The following FEZ1 variants were observed in gnomAD, a reference collection of about 807,000 sequenced individuals.
The protein encoded by FEZ1 is fasciculation and elongation protein zeta-1.
In FEZ1, 20 loss-of-function variants were observed where a neutral mutation model predicts 49.3. The observed-to-expected ratio is 0.41, with a 90% CI of 0.29 to 0.59. The LOEUF is 0.59. Among genes scored for constraint, FEZ1 ranks in the 20% least tolerant of loss-of-function variants. FEZ1 has a pLI of 0.36. For synonymous variants in FEZ1, 170 were observed against 180.9 expected (o/e 0.94, Z 0.48); for missense variants, 413 against 476.0 (o/e 0.87, Z 1.23).
At chr11:125,471,469 A>G (rs1320133642) in intron 3 of FEZ1, among the ~76,000 whole-genome samples, 2 of 151,478 alleles carry the variant, frequency 1.3e-5, no homozygotes, top group Non-Finnish European at 3.0e-5. Flanking sequence ...CACACTTTGC[A>G]AACAGTATGC....
chr11:125,460,895 T>G (rs1004718854), intron 4 of FEZ1, among the ~76,000 whole-genome samples: 1 of 152,212 alleles, frequency 6.6e-6, no homozygotes, highest in African/African-American at 2.4e-5. Flanking sequence ...CAAGAGCTCC[T>G]TTTAGATAAA....
chr11:125,481,508 C>G lies in FEZ1; in HGVS notation c.411+26G>C, dbSNP rs370082839. ...ACTGGATTCCACATCTCAAGCCCTG[C>G]TAAACCAGGGGCCCCGGAGAGGTAC... On this transcript the variant is annotated intron_variant, in intron 3 of 9. Transcript: ENST00000278919. The G allele has an allele frequency of 2.2e-6, 3 of 1,370,128 alleles. No individual in the cohort carries two copies. The African/African-American group carries it at 4.3e-5, about 20-fold the overall frequency. The allele number at this position is 1,370,128 out of a possible 1,614,324, so 84.9% of individuals were successfully genotyped here.
At chr11:125,478,454 A>G (rs1010048443) in intron 3 of FEZ1, among the ~76,000 whole-genome samples, 1 of 152,138 alleles carries the variant, frequency 6.6e-6, no homozygotes, top group Non-Finnish European at 1.5e-5. Context: ...AAAATAAAAA[A>G]AATTGTTTTA....
At chr11:125,490,425 G>A (rs1409621884) in intron 1 of FEZ1, among the ~76,000 whole-genome samples, 1 of 152,192 alleles carries the variant, frequency 6.6e-6, no homozygotes, top group Non-Finnish European at 1.5e-5. Context: ...GATCCCACTG[G>A]ATGAAATGCG....
chr11:125,454,086 C>CTT, intron 7 of FEZ1, 44 bp downstream of exon 7: 1 of 1,435,064 alleles, frequency 7.0e-7, no homozygotes. Flanking sequence ...GGCCAAGCTG[C>CTT]AGGAGTCTAG....
chr11:125,494,411 AAAC>A (rs1240370524), intron 1 of FEZ1, among the ~76,000 whole-genome samples: 2 of 152,210 alleles, frequency 1.3e-5, no homozygotes, highest in Non-Finnish European at 2.9e-5. Context: ...AAAATGTCTG[AAAC>A]AACCTTATTT....
At chr11:125,449,129 C>G (rs1396272840) in intron 8 of FEZ1, among the ~76,000 whole-genome samples, 1 of 151,856 alleles carries the variant, frequency 6.6e-6, no homozygotes, top group African/African-American at 2.4e-5. Context: ...CAGCCTCAAA[C>G]TCCTGGGTTC....
rs200489748 is a variant in FEZ1 at position 125,492,968 on chromosome 11, T to TAAA, written c.-45-3149_-45-3147dup. Reference sequence around the variant, plus strand: ...GGGTGACAAAGTGAGACCCTATCTTTAAAAAAAAAAAAAAAAAAGTTAAAA... The same window carrying TAAA: ...GGGTGACAAAGTGAGACCCTATCTTTAAAAAAAAAAAAAAAAAAAAAGTTAAAA... On this transcript the variant is annotated intron_variant, in intron 1 of 9. Coordinates refer to ENST00000278919, the MANE Select transcript of FEZ1 (RefSeq NM_005103.5). Among the ~76,000 whole-genome samples the TAAA allele has an allele frequency of 2.5e-4, 31 of 124,874 alleles. No individual in the cohort carries two copies. The South Asian group carries it at 6.5e-3, about 26-fold the overall frequency. 81.9% of individuals were successfully genotyped at this position (124,874 alleles called of 152,430 possible).
chr11:125,477,465 A>T (rs758851817), intron 3 of FEZ1, among the ~76,000 whole-genome samples: 9 of 152,042 alleles, frequency 5.9e-5, no homozygotes, highest in Non-Finnish European at 8.8e-5. Flanking sequence ...AGATCGTGCC[A>T]CTGCACTCCA....
chr11:125,459,304 T>G (rs1047683475), intron 5 of FEZ1, among the ~76,000 whole-genome samples: 10 of 151,916 alleles, frequency 6.6e-5, no homozygotes, highest in African/African-American at 2.4e-4. Context: ...ATAAAATAGT[T>G]TTCTAGGCCG....
chr11:125,494,505 C>A (rs765438936), intron 1 of FEZ1, among the ~76,000 whole-genome samples: 2 of 152,136 alleles, frequency 1.3e-5, no homozygotes, highest in Non-Finnish European at 2.9e-5. Context: ...TTAATACAAG[C>A]GATAGCTTAT....
intron 1 of FEZ1, among the ~76,000 whole-genome samples, chr11:125,493,641 A>G (rs556547511): frequency 8.3e-4 from 126 of 152,364 alleles, no homozygotes; most frequent in Non-Finnish European, 1.4e-3. Flanking sequence ...ATCAAACAAG[A>G]GAACTATTGC....
At position 125,495,475 on chromosome 11, in the gene FEZ1, C is replaced by T. The variant is rs1490278760; in HGVS notation, c.-46+646G>A. 2.1e-6 allele frequency: 1 copy of T among 470,962 alleles called. No individual in the cohort carries two copies. Among genetic ancestry groups the T allele is most frequent in the Admixed American group, 2.3e-5 (1 of 42,590 alleles). The allele number at this position is 470,962 out of a possible 1,614,324, so 29.2% of individuals were successfully genotyped here. A position where few individuals can be genotyped will look rare whatever the true frequency, so the allele number is the denominator to read the frequency against. On this transcript the variant is annotated intron_variant, in intron 1 of 9. Transcript: ENST00000278919. The surrounding 1 kb of genome is among the most constrained non-coding windows in gnomAD (Gnocchi z 4.2). ...CGCGCCCCGCCACCGCGCAGCCGCC[C>T]CGGTCCCTTCTCCCGCCCGTCTGTA...
At chr11:125,468,550 A>C (rs1957154874) in intron 3 of FEZ1, among the ~76,000 whole-genome samples, 1 of 152,218 alleles carries the variant, frequency 6.6e-6, no homozygotes, top group African/African-American at 2.4e-5. Context: ...AGGTGGGTAC[A>C]CAGGAGATTG....
At position 125,463,427 on chromosome 11, in the gene FEZ1, G is replaced by A. The variant is rs192523767; in HGVS notation, c.498+57C>T. 1.0e-3 allele frequency: 1,012 copies of A among 1,007,114 alleles called. 16 individuals carry two copies. Among genetic ancestry groups the A allele is most frequent in the South Asian group, 6.1e-3 (461 of 76,108 alleles). The allele number at this position is 1,007,114 out of a possible 1,614,324, so 62.4% of individuals were successfully genotyped here. ...TGGATGTGGCAAGTGTGTTCTCTTG[G>A]ACTTTTTCTCCATCAAAAGAACAAA... is the stretch of plus-strand genomic sequence containing the variant. On this transcript the variant is annotated intron_variant, in intron 4 of 9. Transcript: ENST00000278919.
chr11:125,447,821 CAAAA>C (rs538049568), intron 9 of FEZ1, among the ~76,000 whole-genome samples: 1 of 73,514 alleles, frequency 1.4e-5, no homozygotes, highest in African/African-American at 5.1e-5. Context: ...GATTCCATCT[CAAAA>C]AAAAAAAAAA....
At chr11:125,493,422 G>GA (rs1333552735) in intron 1 of FEZ1, among the ~76,000 whole-genome samples, 138 of 37,490 alleles carry the variant, frequency 3.7e-3, no homozygotes, top group Middle Eastern at 0.01. Context: ...AAGAAAGAAA[G>GA]AAGGAAAGAA....
intron 1 of FEZ1, among the ~76,000 whole-genome samples, chr11:125,493,409 A>AGAAG (rs1565306903): frequency 3.1e-4 from 21 of 68,396 alleles, no homozygotes; most frequent in South Asian, 1.5e-3. Flanking sequence ...AAAGAAAGAA[A>AGAAG]GAAAGAAAGA....
At chr11:125,452,197 C>A in intron 8 of FEZ1, 137 bp downstream of exon 8, 1 of 669,624 alleles carries the variant, frequency 1.5e-6, no homozygotes. Flanking sequence ...GAGGATGTGA[C>A]GCAGTAATTT....
Sources: allele counts gnomAD v4.1 joint callset (sites outside exome capture counted in the v4.1 genomes callset), GRCh38; gene constraint gnomAD v4.1.1; non-coding constraint Gnocchi (gnomAD v3.1); transcripts MANE v1.5; gene names NCBI Gene and HGNC (gene_info 2026-07-23, HGNC 2026-07-21).